Variants in BMPR1A observed in about 807,000 individuals in gnomAD.
BMPR1A encodes bone morphogenetic protein receptor type-1A.
In BMPR1A, 7 loss-of-function variants were observed where a neutral mutation model predicts 66.0. That is an observed-to-expected ratio of 0.11 (90% CI 0.06 to 0.20). The LOEUF (loss-of-function observed/expected upper bound fraction) is 0.20, where lower values mean the gene tolerates loss of function less well. BMPR1A is among the 10% of genes least tolerant of loss of function. The pLI, the probability that BMPR1A is intolerant of heterozygous loss-of-function variation, is 1.00. For synonymous variants in BMPR1A, 200 were observed against 229.7 expected, an observed-to-expected ratio of 0.87 and a Z score of 1.17; for missense variants, 408 against 669.1, an observed-to-expected ratio of 0.61 and a Z score of 4.31.
At chr10:86,874,713 T>C (rs1251422572) in intron 2 of BMPR1A, among the ~76,000 whole-genome samples, 1 of 95,298 alleles carries the variant, frequency 1.0e-5, no homozygotes, top group African/African-American at 3.4e-5. Flanking sequence ...GACCTTCTTT[T>C]TTTTTTTTTT....
intron 7 of BMPR1A, among the ~76,000 whole-genome samples, chr10:86,901,136 T>A (rs1421396469): frequency 2.0e-5 from 3 of 152,226 alleles, no homozygotes; most frequent in African/African-American, 4.8e-5. Flanking sequence ...AACTGAGGCC[T>A]CTTGCCAATA....
At chr10:86,778,442 C>T (rs1841387025) in intron 1 of BMPR1A, among the ~76,000 whole-genome samples, 1 of 152,036 alleles carries the variant, frequency 6.6e-6, no homozygotes, top group African/African-American at 2.4e-5. Context: ...CGTGCCTGCC[C>T]TGCCGCTAGT....
intron 1 of BMPR1A, among the ~76,000 whole-genome samples, chr10:86,793,550 G>C (rs537328726): frequency 4.6e-5 from 7 of 152,062 alleles, no homozygotes; most frequent in African/African-American, 1.7e-4. Context: ...TTTTAGTAGA[G>C]ACAGGGTTTC....
chr10:86,889,954 A>G, intron 3 of BMPR1A, 108 bp from the exon 4 acceptor site: 1 of 1,178,978 alleles, frequency 8.5e-7, no homozygotes, highest in South Asian at 1.3e-5. Context: ...CATGCTAGCT[A>G]CAATTATTGT....
intron 1 of BMPR1A, among the ~76,000 whole-genome samples, chr10:86,760,188 G>GTTTT (rs58326501): frequency 5.6e-5 from 3 of 53,370 alleles, no homozygotes; most frequent in African/African-American, 1.9e-4. Context: ...AGATTTACCT[G>GTTTT]TTTTTTTTTT....
chr10:86,798,676 T>C (rs761775189), intron 1 of BMPR1A, among the ~76,000 whole-genome samples: 18 of 152,232 alleles, frequency 1.2e-4, no homozygotes, highest in Admixed American at 5.2e-4. Flanking sequence ...AAGGGAGCAG[T>C]TTGTCTTTCT....
At chr10:86,898,188 A>T (rs1431440117) in intron 5 of BMPR1A, among the ~76,000 whole-genome samples, 1 of 152,054 alleles carries the variant, frequency 6.6e-6, no homozygotes, top group African/African-American at 2.4e-5. Context: ...CCAAGTAGCC[A>T]CCACACCCAG....
At chr10:86,826,684 T>A (rs1252022190) in intron 1 of BMPR1A, among the ~76,000 whole-genome samples, 1 of 151,086 alleles carries the variant, frequency 6.6e-6, no homozygotes, top group African/African-American at 2.5e-5. Flanking sequence ...GAGAAGTAAT[T>A]TTTTTTACAT....
intron 1 of BMPR1A, among the ~76,000 whole-genome samples, chr10:86,815,028 C>T (rs1284534449): frequency 2.0e-5 from 3 of 152,178 alleles, no homozygotes; most frequent in African/African-American, 7.2e-5. Flanking sequence ...TCGTGGTCTG[C>T]CGCCTCGGCC....
At chr10:86,928,579 AC>A (rs1319051114), downstream of BMPR1A, 2 of 152,084 alleles carry the variant, frequency 1.3e-5, no homozygotes, top group Non-Finnish European at 2.9e-5. Context: ...TTGGGAAACA[AC>A]AGCAAATAAT....
chr10:86,908,633 A>C (rs1211986669), intron 7 of BMPR1A, among the ~76,000 whole-genome samples: 1 of 152,072 alleles, frequency 6.6e-6, no homozygotes, highest in Non-Finnish European at 1.5e-5. Flanking sequence ...ACGTCATTGC[A>C]CCTCTGTGGG....
chr10:86,905,278 G>A (rs538990298), intron 7 of BMPR1A, among the ~76,000 whole-genome samples: 8 of 152,278 alleles, frequency 5.3e-5, no homozygotes, highest in South Asian at 4.1e-4. Context: ...TGTACCATAC[G>A]CCAGTTCCTG....
chr10:86,864,471 C>A (rs958815321), intron 2 of BMPR1A, among the ~76,000 whole-genome samples: 2 of 152,200 alleles, frequency 1.3e-5, no homozygotes, highest in Non-Finnish European at 2.9e-5. Flanking sequence ...ATCAGTCCTC[C>A]AGGCCCTAGT....
At chr10:86,765,206 G>A (rs1841142540) in intron 1 of BMPR1A, among the ~76,000 whole-genome samples, 2 of 152,002 alleles carry the variant, frequency 1.3e-5, no homozygotes, top group Admixed American at 1.3e-4. Context: ...ATAAATCCTT[G>A]GCCAGGTGCT....
intron 2 of BMPR1A, among the ~76,000 whole-genome samples, chr10:86,873,921 A>T (rs1482507804): frequency 6.6e-6 from 1 of 152,220 alleles, no homozygotes; most frequent in Admixed American, 6.5e-5. Context: ...TACATATAAC[A>T]TACACGTGTA....
intron 10 of BMPR1A, 21 bp downstream of exon 10, chr10:86,919,490 C>G: frequency 6.2e-7 from 1 of 1,612,294 alleles, no homozygotes; most frequent in East Asian, 2.2e-5. Context: ...CTTTGCCCCA[C>G]TGTTTTGAAA....
chr10:86,848,160 C>T (rs868650369), intron 2 of BMPR1A, among the ~76,000 whole-genome samples: 4 of 151,936 alleles, frequency 2.6e-5, no homozygotes, highest in South Asian at 4.1e-4. Context: ...CTTGAACTCC[C>T]GACCTCAAGG....
In BMPR1A at chr10:86,842,282, T is replaced by G. The variant is rs117817170; in HGVS notation, c.-153+3303T>G. On this transcript the variant is annotated intron_variant, in intron 2 of 12. Coordinates refer to ENST00000372037, the MANE Select transcript of BMPR1A (RefSeq NM_004329.3). ...TGATGGGGAGAAACCCTCACACATT[T>G]GGTAAGAAAAGTCTTCCCTGTTGAT... Among the ~76,000 whole-genome samples the G allele has an allele frequency of 1.5e-3, 228 of 152,306 alleles. 3 individuals carry two copies. In the East Asian group the frequency reaches 0.038, roughly 25 times the overall value.
intron 2 of BMPR1A, among the ~76,000 whole-genome samples, chr10:86,840,660 T>A (rs1317041053): frequency 1.3e-5 from 2 of 152,176 alleles, no homozygotes; most frequent in Non-Finnish European, 2.9e-5. Context: ...TACAGATGGC[T>A]CAGCTTAGTG....
Sources: gnomAD v4.1 joint callset for allele counts (sites outside exome capture counted in the v4.1 genomes callset) on GRCh38, gnomAD v4.1.1 for gene constraint, MANE v1.5 for transcripts, NCBI Gene and HGNC (gene_info 2026-07-23, HGNC 2026-07-21) for gene names.